The following GRM8 variants were observed in gnomAD, a reference collection of about 807,000 sequenced individuals.
GRM8 encodes metabotropic glutamate receptor 8.
In GRM8, 47 loss-of-function variants were observed where a neutral mutation model predicts 87.2. The ratio of observed to expected loss-of-function variants is 0.54; its 90% confidence interval spans 0.43 to 0.69. The LOEUF is 0.69. GRM8 is among the 30% of genes least tolerant of loss of function. The pLI is 0.00. For missense variants in GRM8, 1,019 were observed against 1,139.2 expected (o/e 0.89, Z 1.52); for synonymous variants, 396 against 404.5 (o/e 0.98, Z 0.25).
chr7:126,526,497 T>C (rs746377277), intron 9 of GRM8, among the ~76,000 whole-genome samples: 18 of 152,192 alleles, frequency 1.2e-4, no homozygotes, highest in Non-Finnish European at 1.8e-4. Flanking sequence ...TTCAAACTGT[T>C]TGTAAACTCA....
At chr7:126,584,168 G>GT (rs919675051) in intron 8 of GRM8, among the ~76,000 whole-genome samples, 1 of 152,048 alleles carries the variant, frequency 6.6e-6, no homozygotes, top group Non-Finnish European at 1.5e-5. Context: ...TAAGATACGT[G>GT]TTTTTTTAGA....
chr7:127,183,076 T>C (rs1030028371), intron 2 of GRM8, among the ~76,000 whole-genome samples: 5 of 151,852 alleles, frequency 3.3e-5, no homozygotes, highest in African/African-American at 1.2e-4. Flanking sequence ...AAAGCTCAAA[T>C]ATGTTAAAAG....
intron 3 of GRM8, among the ~76,000 whole-genome samples, chr7:127,090,753 C>A (rs546785242): frequency 2.0e-5 from 3 of 152,270 alleles, no homozygotes; most frequent in African/African-American, 4.8e-5. Flanking sequence ...CCATGTCTCT[C>A]AACTGTTGCT....
At chr7:127,170,612 T>C (rs1306347867) in intron 2 of GRM8, among the ~76,000 whole-genome samples, 1 of 152,054 alleles carries the variant, frequency 6.6e-6, no homozygotes, top group Non-Finnish European at 1.5e-5. Flanking sequence ...AATCAATGAG[T>C]GCATAAATTG....
At chr7:127,168,688 G>A (rs1318139274) in intron 2 of GRM8, among the ~76,000 whole-genome samples, 1 of 152,160 alleles carries the variant, frequency 6.6e-6, no homozygotes, top group Non-Finnish European at 1.5e-5. Context: ...ATAAAAAAGT[G>A]TGAGATCATG....
chr7:127,062,874 C>T (rs1205536054), intron 3 of GRM8, among the ~76,000 whole-genome samples: 5 of 152,156 alleles, frequency 3.3e-5, no homozygotes, highest in Admixed American at 6.5e-5. Flanking sequence ...TTCATCATTT[C>T]CAATTATGCT....
intron 2 of GRM8, among the ~76,000 whole-genome samples, chr7:127,200,700 A>G (rs896014778): frequency 4.6e-5 from 7 of 152,180 alleles, no homozygotes; most frequent in Non-Finnish European, 8.8e-5. Context: ...CTCTGCTTCC[A>G]TCTTCACATG....
intron 8 of GRM8, among the ~76,000 whole-genome samples, chr7:126,536,269 T>G (rs1815704048): frequency 6.6e-6 from 1 of 152,214 alleles, no homozygotes; most frequent in Non-Finnish European, 1.5e-5. Context: ...GTGACTGAAA[T>G]CGTTCTCATG....
intron 8 of GRM8, among the ~76,000 whole-genome samples, chr7:126,536,203 T>C (rs1173648423): frequency 6.6e-6 from 1 of 152,220 alleles, no homozygotes; most frequent in East Asian, 1.9e-4. Context: ...CCGAAGTATG[T>C]AGCTTTAGCA....
chr7:127,118,952 T>C (rs1318605304), intron 2 of GRM8, among the ~76,000 whole-genome samples: 1 of 152,186 alleles, frequency 6.6e-6, no homozygotes, highest in African/African-American at 2.4e-5. Flanking sequence ...GCATCTAAGA[T>C]CAGCTAAATA....
intron 2 of GRM8, among the ~76,000 whole-genome samples, chr7:127,152,967 A>G (rs1010194906): frequency 6.6e-6 from 1 of 152,178 alleles, no homozygotes; most frequent in African/African-American, 2.4e-5. Flanking sequence ...ATGAATCACA[A>G]AATTCTTACA....
At chr7:126,911,521 T>C (rs1382799550) in intron 3 of GRM8, among the ~76,000 whole-genome samples, 6 of 152,234 alleles carry the variant, frequency 3.9e-5, no homozygotes, top group Non-Finnish European at 8.8e-5. Context: ...ACATGTTCTG[T>C]TTCATTCAAA....
chr7:126,945,290 C>A (rs561219146), intron 3 of GRM8, among the ~76,000 whole-genome samples: 11 of 152,218 alleles, frequency 7.2e-5, no homozygotes, highest in African/African-American at 2.6e-4. Context: ...AAAGGAAAAT[C>A]TCTATGTTAC....
intron 6 of GRM8, among the ~76,000 whole-genome samples, chr7:126,827,598 C>T (rs1195247285): frequency 6.6e-6 from 1 of 152,160 alleles, no homozygotes; most frequent in African/African-American, 2.4e-5. Flanking sequence ...TGCTTATCAG[C>T]TTAAGGAGAT....
intron 3 of GRM8, among the ~76,000 whole-genome samples, chr7:127,034,289 GT>G (rs929181227): frequency 3.3e-5 from 5 of 152,082 alleles, no homozygotes; most frequent in Non-Finnish European, 7.4e-5. Flanking sequence ...ATTCCCTATT[GT>G]GTCACAGCTG....
chr7:127,203,281 G>C (rs1235612952), intron 2 of GRM8, among the ~76,000 whole-genome samples: 1 of 152,190 alleles, frequency 6.6e-6, no homozygotes, highest in Non-Finnish European at 1.5e-5. Context: ...GGGTTATAAG[G>C]GGTGCAGGCA....
At position 127,046,751 on chromosome 7, in the gene GRM8, T is replaced by C. The variant is rs891021358; in HGVS notation, c.727+59745A>G. On this transcript the variant is annotated intron_variant, in intron 3 of 10. Coordinates refer to ENST00000339582, the MANE Select transcript of GRM8 (RefSeq NM_000845.3). ...ACTCTGAGTATGAACAAATTTACTTTCTTCTTTCTTCTTCCTTATAAACAT... is the reference window on the plus strand; with the variant it reads ...ACTCTGAGTATGAACAAATTTACTTCCTTCTTTCTTCTTCCTTATAAACAT... Among the ~76,000 whole-genome samples, 3 of 152,242 alleles carry C rather than the reference T, an allele frequency of 2.0e-5. No homozygotes were observed. In the East Asian group the frequency reaches 5.8e-4, roughly 29 times the overall value.
intron 3 of GRM8, among the ~76,000 whole-genome samples, chr7:127,040,611 A>G (rs1818337856): frequency 6.6e-6 from 1 of 152,184 alleles, no homozygotes; most frequent in Admixed American, 6.5e-5. Flanking sequence ...TGTGAAAAAA[A>G]AAAAAAAGAG....
At chr7:127,115,309 T>C (rs1273011635) in intron 2 of GRM8, among the ~76,000 whole-genome samples, 2 of 152,164 alleles carry the variant, frequency 1.3e-5, no homozygotes, top group Non-Finnish European at 2.9e-5. Flanking sequence ...ACTGGACATG[T>C]GAACTAAATG....
Sources: allele counts gnomAD v4.1 joint callset (sites outside exome capture counted in the v4.1 genomes callset), GRCh38; gene constraint gnomAD v4.1.1; transcripts MANE v1.5; gene names NCBI Gene and HGNC (gene_info 2026-07-23, HGNC 2026-07-21).